KIF26B: variants seen among roughly 807,000 people sequenced by gnomAD.
KIF26B encodes the protein kinesin-like protein KIF26B.
In KIF26B, 63 loss-of-function variants were observed where a neutral mutation model predicts 151.2. The ratio of observed to expected loss-of-function variants is 0.42; its 90% CI spans 0.34 to 0.51. The LOEUF is 0.51. Among genes scored for constraint, KIF26B ranks in the 20% least tolerant of loss-of-function variants. KIF26B has a pLI of 0.07. For missense variants in KIF26B, 2,813 were observed against 2,913.6 expected, an observed-to-expected ratio of 0.97 and a Z score of 0.79; for synonymous variants, 1,357 against 1,262.1, an observed-to-expected ratio of 1.08 and a Z score of -1.59.
chr1:245,556,357 TCC>T (rs1336196141), intron 5 of KIF26B, among the ~76,000 whole-genome samples: 1 of 112,574 alleles, frequency 8.9e-6, no homozygotes, highest in African/African-American at 4.2e-5. Flanking sequence ...CTCCTCCTCC[TCC>T]TCCTTCTTCT....
rs183742768 is a variant in KIF26B, at chr1:245,705,888, T to G, written c.*3282T>G. 2 of 152,348 alleles carry G rather than the reference T, an allele frequency of 1.3e-5. No homozygotes were observed. The highest frequency in any genetic ancestry group is 3.9e-4 in the East Asian group (2 of 5,188). The allele number at this position is 152,348 out of a possible 1,614,324, so 9.4% of individuals were successfully genotyped here. ...CCCTCTACATCACGAGGAAGCTGTC[T>G]CTTTCATCTCTTCCGGATTTGGAAT... On this transcript the variant is annotated 3_prime_UTR_variant, in exon 15 of 15. Transcript: ENST00000407071.
In KIF26B at chr1:245,672,237, A is replaced by G. The variant is rs529318796; in HGVS notation, c.2259-11996A>G. On this transcript the variant is annotated intron_variant, in intron 10 of 14. Transcript: ENST00000407071. ...CCTGGAACCATATTCGGGATCCCCAACTGAGTGCTGGAAAGACCACTGGTC... is the reference window on the plus strand; with the variant it reads ...CCTGGAACCATATTCGGGATCCCCAGCTGAGTGCTGGAAAGACCACTGGTC... Among the ~76,000 whole-genome samples the G allele has an allele frequency of 9.9e-5, 15 of 152,278 alleles. No homozygotes were observed. The East Asian group carries it at 2.3e-3, about 24-fold the overall frequency.
At chr1:245,600,973 G>T (rs1465589594) in intron 5 of KIF26B, among the ~76,000 whole-genome samples, 1 of 152,150 alleles carries the variant, frequency 6.6e-6, no homozygotes, top group Non-Finnish European at 1.5e-5. Flanking sequence ...AGTGATGTGG[G>T]GCAAGTTATA....
At chr1:245,273,743 T>C (rs1670892375) in intron 2 of KIF26B, among the ~76,000 whole-genome samples, 1 of 152,210 alleles carries the variant, frequency 6.6e-6, no homozygotes, top group African/African-American at 2.4e-5. Flanking sequence ...ATTTTCAGCC[T>C]ATGTGTGTTT....
rs1672993716 is a variant in KIF26B at position 245,367,600 on chromosome 1, T to C, written c.999+233T>C. 6.6e-6 allele frequency among the ~76,000 whole-genome samples: 1 copy of C among 152,256 alleles called. No homozygotes were observed. Among genetic ancestry groups the C allele is most frequent in the Non-Finnish European group, 1.5e-5 (1 of 68,048 alleles). ...CACCTGCCCTTTCTCTGCTCTTCAG[T>C]GTCTCCTTCCTGAGAGACCCTCTTT... On this transcript the variant is annotated intron_variant, in intron 3 of 14. Transcript: ENST00000407071. This position sits in a 1 kb window ranked among gnomAD's most constrained non-coding sequence, Gnocchi z 4.2.
intron 2 of KIF26B, among the ~76,000 whole-genome samples, chr1:245,290,661 G>T (rs1369643636): frequency 2.0e-5 from 3 of 152,152 alleles, no homozygotes; most frequent in African/African-American, 7.2e-5. Flanking sequence ...TGTTTTATCG[G>T]CAGGGTGTTT....
At chr1:245,294,674 C>T (rs4658452) in intron 2 of KIF26B, among the ~76,000 whole-genome samples, 83,156 of 150,970 alleles carry the variant, frequency 0.55, 23,613 homozygotes, top group East Asian at 0.67. Flanking sequence ...ACTTTTTTTT[C>T]CCTGAGACAG....
chr1:245,308,659 G>A (rs1671606147), intron 2 of KIF26B, among the ~76,000 whole-genome samples: 1 of 152,176 alleles, frequency 6.6e-6, no homozygotes, highest in Non-Finnish European at 1.5e-5. Flanking sequence ...CTGAGCTGAG[G>A]AGGTTGAGTT....
At chr1:245,641,819 G>A (rs758761370) in intron 9 of KIF26B, among the ~76,000 whole-genome samples, 1 of 152,000 alleles carries the variant, frequency 6.6e-6, no homozygotes, top group Non-Finnish European at 1.5e-5. Context: ...GGCCAGTCTT[G>A]GTGCCTTACT....
At chr1:245,185,143 T>C (rs1362085894) in intron 2 of KIF26B, among the ~76,000 whole-genome samples, 1 of 124,988 alleles carries the variant, frequency 8.0e-6, no homozygotes, top group Non-Finnish European at 1.6e-5. Flanking sequence ...GTGGAAATAC[T>C]TTTTTTTTTT....
rs184498020 is a variant in KIF26B, at chr1:245,452,021, A to G, written c.1166+32276A>G. Among the ~76,000 whole-genome samples the G allele has an allele frequency of 2.6e-5, 4 of 152,290 alleles. No homozygotes were observed. In the East Asian group the frequency reaches 7.7e-4, roughly 29 times the overall value. On this transcript the variant is annotated intron_variant, in intron 4 of 14. Coordinates refer to ENST00000407071, the MANE Select transcript of KIF26B (RefSeq NM_018012.4). ...ATTAATTACATTCACATTGTTGTAG[A>G]ACTATCACCATTACCTGTTTTCAAA... is the stretch of plus-strand genomic sequence containing the variant.
At chr1:245,420,183 G>T (rs1009983396) in intron 4 of KIF26B, among the ~76,000 whole-genome samples, 2 of 152,172 alleles carry the variant, frequency 1.3e-5, no homozygotes, top group Non-Finnish European at 2.9e-5. Flanking sequence ...CTGCTTAAAA[G>T]CTATTAAATA....
At chr1:245,369,069 C>T (rs577217312) in intron 3 of KIF26B, among the ~76,000 whole-genome samples, 1 of 152,022 alleles carries the variant, frequency 6.6e-6, no homozygotes, top group East Asian at 1.9e-4. Flanking sequence ...GCCCAGGAGG[C>T]GGAGGCTGCA....
At chr1:245,653,311 G>T (rs953114717) in intron 10 of KIF26B, among the ~76,000 whole-genome samples, 1 of 152,128 alleles carries the variant, frequency 6.6e-6, no homozygotes, top group Non-Finnish European at 1.5e-5. Context: ...TTCCTAATTC[G>T]TGGACTTGCT....
chr1:245,278,764 C>T (rs1229830295), intron 2 of KIF26B, among the ~76,000 whole-genome samples: 1 of 152,160 alleles, frequency 6.6e-6, no homozygotes, highest in Non-Finnish European at 1.5e-5. Flanking sequence ...ACATTGGGCT[C>T]ATTAGTTCCA....
At chr1:245,397,418 G>A (rs1673875358) in intron 3 of KIF26B, among the ~76,000 whole-genome samples, 1 of 152,008 alleles carries the variant, frequency 6.6e-6, no homozygotes, top group Non-Finnish European at 1.5e-5. Flanking sequence ...GTTTCACCAT[G>A]TTGGTCAGGC....
intron 4 of KIF26B, among the ~76,000 whole-genome samples, chr1:245,460,099 C>G (rs59582181): frequency 0.032 from 4,823 of 152,176 alleles, 254 homozygotes; most frequent in African/African-American, 0.11. Flanking sequence ...CCTGCCTCAG[C>G]CTCCTAGCAG....
intron 4 of KIF26B, among the ~76,000 whole-genome samples, chr1:245,419,971 A>T (rs1471351804): frequency 6.6e-6 from 1 of 151,924 alleles, no homozygotes; most frequent in East Asian, 1.9e-4. Context: ...CTTGGCCTGT[A>T]CCCCTCGATG....
At chr1:245,684,162 C>A in intron 10 of KIF26B, 71 bp from the exon 11 acceptor site, 1 of 1,528,582 alleles carries the variant, frequency 6.5e-7, no homozygotes, top group Admixed American at 1.8e-5. Flanking sequence ...CGTGTGCAGG[C>A]CTGAAGCCCT....
Sources: allele counts gnomAD v4.1 joint callset (sites outside exome capture counted in the v4.1 genomes callset), GRCh38; gene constraint gnomAD v4.1.1; non-coding constraint Gnocchi (gnomAD v3.1); transcripts MANE v1.5; gene names NCBI Gene and HGNC (gene_info 2026-07-23, HGNC 2026-07-21).